Variants in SERINC5 observed in about 807,000 individuals in gnomAD.
SERINC5 encodes serine incorporator 5, also known as chromosome 5 open reading frame 12.
A neutral mutation model predicts 63.1 loss-of-function variants in SERINC5; 41 were observed. The ratio of observed to expected loss-of-function variants is 0.65; its 90% CI spans 0.51 to 0.84. The LOEUF (loss-of-function observed/expected upper bound fraction) is 0.84. Ranked by LOEUF, SERINC5 falls within the 40% of genes least tolerant of loss-of-function variation. The pLI is 0.00. For missense variants in SERINC5, 523 were observed against 573.0 expected (o/e 0.91, Z 0.89); for synonymous variants, 222 against 215.2 (o/e 1.03, Z -0.28).
chr5:80,125,964 A>T (rs565663301), intron 11 of SERINC5, among the ~76,000 whole-genome samples: 1 of 152,358 alleles, frequency 6.6e-6, no homozygotes, highest in East Asian at 1.9e-4. Context: ...CTGCAAACCT[A>T]GACTCACGCT....
chr5:80,121,608 G>A (rs1010786748), intron 11 of SERINC5, among the ~76,000 whole-genome samples: 1 of 152,106 alleles, frequency 6.6e-6, no homozygotes, highest in African/African-American at 2.4e-5. Flanking sequence ...TATAGTCAGT[G>A]TGTTAATCCA....
chr5:80,194,234 T>A (rs549046330), intron 2 of SERINC5, among the ~76,000 whole-genome samples: 1 of 152,130 alleles, frequency 6.6e-6, no homozygotes, highest in South Asian at 2.1e-4. Context: ...TTGACACTTG[T>A]TCTGACACAA....
At chr5:80,210,742 G>T (rs190594224) in intron 1 of SERINC5, among the ~76,000 whole-genome samples, 10 of 152,310 alleles carry the variant, frequency 6.6e-5, no homozygotes, top group Admixed American at 5.2e-4. Context: ...CAACCAAGAG[G>T]ACAAACTGCT....
At position 80,222,561 on chromosome 5, in the gene SERINC5, A is replaced by AGTGTGTGTGTGTGTGTGTGTGTGT. The variant is rs752186814; in HGVS notation, c.28-19509_28-19508insACACACACACACACACACACACAC. 1.2e-4 allele frequency among the ~76,000 whole-genome samples: 17 copies of AGTGTGTGTGTGTGTGTGTGTGTGT among 146,314 alleles called. No individual in the cohort carries two copies. In the South Asian group the frequency reaches 2.2e-3, roughly 19 times the overall value. ...TGGGTTTTTTGTGGGTGAGTGTGTGAGTGTGTGAGTGTGTGTGTGTGTGTG... is the reference window on the plus strand; with the variant it reads ...TGGGTTTTTTGTGGGTGAGTGTGTGAGTGTGTGTGTGTGTGTGTGTGTGTGTGTGTGAGTGTGTGTGTGTGTGTG... On this transcript the variant is annotated intron_variant, in intron 1 of 11. Coordinates refer to ENST00000507668, the MANE Select transcript of SERINC5 (RefSeq NM_001174072.3).
chr5:80,241,563 G>T (rs1051432553), intron 1 of SERINC5, among the ~76,000 whole-genome samples: 1 of 152,016 alleles, frequency 6.6e-6, no homozygotes, highest in African/African-American at 2.4e-5. Flanking sequence ...ACAAAGAACA[G>T]AAGAGGAAAT....
downstream of SERINC5, among the ~76,000 whole-genome samples, chr5:80,138,039 T>C (rs13182738): frequency 0.011 from 1,674 of 152,116 alleles, 13 homozygotes; most frequent in Non-Finnish European, 0.019. Context: ...GAAGACACGG[T>C]TAAGTAAAAT....
chr5:80,161,027 T>C (rs1746879142), intron 7 of SERINC5, among the ~76,000 whole-genome samples: 2 of 121,286 alleles, frequency 1.6e-5, no homozygotes, highest in Non-Finnish European at 3.1e-5. Flanking sequence ...TGTATATATA[T>C]ACACACGTGT....
At position 80,140,830 on chromosome 5, in the gene SERINC5, A is replaced by G. The variant is rs964671211; in HGVS notation, c.*2833T>C. ...GGAAATATTCACATGCAGCTTTAAA[A>G]AAGTCCTCTTCAACTGTCATCCCTA... On this transcript the variant is annotated 3_prime_UTR_variant, in exon 12 of 12. Coordinates refer to ENST00000507668, the MANE Select transcript of SERINC5 (RefSeq NM_001174072.3). 3.0e-6 allele frequency: 3 copies of G among 985,440 alleles called. No homozygotes were observed. The highest frequency in any genetic ancestry group is 3.5e-5 in the African/African-American group (2 of 57,362). 61.0% of individuals were successfully genotyped at this position (985,440 alleles called of 1,614,324 possible). A position where few individuals can be genotyped will look rare whatever the true frequency, so the allele number is the denominator to read the frequency against.
At chr5:80,175,808 G>A (rs1747989225) in intron 4 of SERINC5, among the ~76,000 whole-genome samples, 2 of 146,988 alleles carry the variant, frequency 1.4e-5, no homozygotes, top group South Asian at 4.4e-4. Flanking sequence ...AGGTCACAGT[G>A]AGCTGAGATT....
At chr5:80,137,156 A>AAAAAC (rs1554058507), downstream of SERINC5, among the ~76,000 whole-genome samples, 1 of 104,472 alleles carries the variant, frequency 9.6e-6, no homozygotes, top group African/African-American at 3.4e-5. Flanking sequence ...AAAAAAAAAA[A>AAAAAC]AAAAAAACAA....
At position 80,143,777 on chromosome 5, in the gene SERINC5, G is replaced by T; in HGVS notation, c.1272C>A (p.Ser424Arg). ...YESANIESFF[S>R]GSWSIFWVKM... ...TGACCCAGAAGATGGACCAGCTCCC[G>T]CTGAAGAAGCTCTCGATGTTGGCAC... Residue 424 changes from serine to arginine, a missense_variant, in exon 12 of 12, where the codon AGC becomes AGA. Ser to Arg is a moderately radical substitution (Grantham distance 110). Coordinates refer to ENST00000507668, the MANE Select transcript of SERINC5 (RefSeq NM_001174072.3). The T allele has an allele frequency of 6.5e-7, 1 of 1,536,096 alleles. No homozygotes were observed.
At chr5:80,180,883 G>A (rs773138857) in intron 2 of SERINC5, among the ~76,000 whole-genome samples, 6 of 152,180 alleles carry the variant, frequency 3.9e-5, no homozygotes, top group African/African-American at 7.2e-5. Context: ...CTGCAATTCC[G>A]TGGACAGGGA....
chr5:80,207,259 A>G (rs1750218485), intron 1 of SERINC5, among the ~76,000 whole-genome samples: 1 of 152,124 alleles, frequency 6.6e-6, no homozygotes, highest in African/African-American at 2.4e-5. Flanking sequence ...GGCCTCCCAT[A>G]AAGTGCTGGG....
chr5:80,213,960 T>C (rs1750549043), intron 1 of SERINC5, among the ~76,000 whole-genome samples: 1 of 152,170 alleles, frequency 6.6e-6, no homozygotes, highest in Non-Finnish European at 1.5e-5. Context: ...AACAAAGATA[T>C]ACATAAGATG....
intron 9 of SERINC5, among the ~76,000 whole-genome samples, chr5:80,150,212 GA>G (rs1444347660): frequency 6.6e-6 from 1 of 152,126 alleles, no homozygotes; most frequent in African/African-American, 2.4e-5. Flanking sequence ...AGACAAGTAT[GA>G]AACAGGTGGG....
chr5:80,140,785 C>T lies in SERINC5; in HGVS notation c.*2878G>A. On this transcript the variant is annotated 3_prime_UTR_variant, in exon 12 of 12. Coordinates refer to ENST00000507668, the MANE Select transcript of SERINC5 (RefSeq NM_001174072.3). ...TAAAAATGAGGGGAAAACTTTTCTA[C>T]ATCAGACAAATCACACAGAGGAAAT... The T allele has an allele frequency of 2.0e-6, 2 of 985,234 alleles. No individual in the cohort carries two copies. Among genetic ancestry groups the T allele is most frequent in the Non-Finnish European group, 2.4e-6 (2 of 829,882 alleles). 61.0% of individuals were successfully genotyped at this position (985,234 alleles called of 1,614,324 possible).
intron 11 of SERINC5, among the ~76,000 whole-genome samples, chr5:80,121,645 G>A (rs1435285005): frequency 6.6e-6 from 1 of 152,072 alleles, no homozygotes; most frequent in Non-Finnish European, 1.5e-5. Context: ...AGAAATACCT[G>A]AGACTGGGTA....
chr5:80,142,790 T>G lies in SERINC5; in HGVS notation c.*873A>C. Reference sequence around the variant, plus strand: ...AGCTTTTCAGTTAAGGTCCTAAAAGTATTATCATTATCAACAGCACAAACA... The same window carrying G: ...AGCTTTTCAGTTAAGGTCCTAAAAGGATTATCATTATCAACAGCACAAACA... On this transcript the variant is annotated 3_prime_UTR_variant, in exon 12 of 12. Coordinates refer to ENST00000507668, the MANE Select transcript of SERINC5 (RefSeq NM_001174072.3). 1.0e-6 allele frequency: 1 copy of G among 985,466 alleles called. No homozygotes were observed. The highest frequency in any genetic ancestry group is 1.7e-5 in the African/African-American group (1 of 57,366). 61.0% of individuals were successfully genotyped at this position (985,466 alleles called of 1,614,324 possible).
chr5:80,212,817 A>G (rs1750497418), intron 1 of SERINC5, among the ~76,000 whole-genome samples: 1 of 152,342 alleles, frequency 6.6e-6, no homozygotes, highest in East Asian at 1.9e-4. Flanking sequence ...TTTACTGAAC[A>G]AACAGTGTAA....
Sources: gnomAD v4.1 joint callset for allele counts (sites outside exome capture counted in the v4.1 genomes callset) on GRCh38, gnomAD v4.1.1 for gene constraint, MANE v1.5 for transcripts, NCBI Gene and HGNC (gene_info 2026-07-23, HGNC 2026-07-21) for gene names.